CADM2: variants seen among roughly 807,000 people sequenced by gnomAD.
CADM2 encodes cell adhesion molecule 2.
Under a neutral mutation model 49.8 loss-of-function variants are expected in CADM2, and 12 were observed. That is an observed-to-expected ratio of 0.24 (90% CI 0.15 to 0.39). The LOEUF (loss-of-function observed/expected upper bound fraction) is 0.39. Among genes scored for constraint, CADM2 ranks in the 10% least tolerant of loss-of-function variants. The pLI, the probability that CADM2 is intolerant of heterozygous loss-of-function variation, is 1.00. For synonymous variants in CADM2, 214 were observed against 175.4 expected, an observed-to-expected ratio of 1.22 and a Z score of -1.74; for missense variants, 378 against 492.3, an observed-to-expected ratio of 0.77 and a Z score of 2.20.
At chr3:85,306,914 G>C (rs920854874) in intron 1 of CADM2, among the ~76,000 whole-genome samples, 1 of 151,512 alleles carries the variant, frequency 6.6e-6, no homozygotes, top group African/African-American at 2.4e-5. Context: ...GCAGATCAAA[G>C]ATAGTGCATC....
intron 1 of CADM2, among the ~76,000 whole-genome samples, chr3:85,092,820 A>G (rs1395925835): frequency 6.6e-6 from 1 of 152,138 alleles, no homozygotes; most frequent in Non-Finnish European, 1.5e-5. Flanking sequence ...AAAACTCTCC[A>G]GTGATTTCCT....
At chr3:85,009,320 G>A (rs2033879693) in intron 1 of CADM2, among the ~76,000 whole-genome samples, 1 of 152,166 alleles carries the variant, frequency 6.6e-6, no homozygotes, top group Admixed American at 6.5e-5. Context: ...GTGGAAGATA[G>A]AAATTAAAAT....
intron 1 of CADM2, among the ~76,000 whole-genome samples, chr3:85,061,784 T>G (rs1327749654): frequency 6.6e-6 from 1 of 152,160 alleles, no homozygotes; most frequent in African/African-American, 2.4e-5. Context: ...TGTTCGGTAT[T>G]GCAATGTAGT....
intron 1 of CADM2, among the ~76,000 whole-genome samples, chr3:85,488,853 G>A (rs574348691): frequency 1.3e-5 from 2 of 152,126 alleles, no homozygotes; most frequent in East Asian, 3.9e-4. Flanking sequence ...CTTTACTTCA[G>A]TAGTACCAAG....
chr3:85,888,212 A>G (rs1713935175), intron 5 of CADM2, among the ~76,000 whole-genome samples: 1 of 152,150 alleles, frequency 6.6e-6, no homozygotes, highest in Non-Finnish European at 1.5e-5. Flanking sequence ...ACACTTTCAC[A>G]TATTAAGTAC....
chr3:85,366,305 A>T (rs1211501635), intron 1 of CADM2, among the ~76,000 whole-genome samples: 3 of 152,180 alleles, frequency 2.0e-5, no homozygotes, highest in Non-Finnish European at 4.4e-5. Flanking sequence ...ACTATGCAGA[A>T]CAGATTGTAA....
intron 1 of CADM2, among the ~76,000 whole-genome samples, chr3:85,650,891 A>T (rs954179318): frequency 6.8e-6 from 1 of 147,614 alleles, no homozygotes; most frequent in African/African-American, 2.5e-5. Flanking sequence ...TTCTTTGTAA[A>T]CCCTGCTCTT....
chr3:85,962,858 T>G (rs1367963138), intron 8 of CADM2, among the ~76,000 whole-genome samples: 2 of 151,980 alleles, frequency 1.3e-5, no homozygotes, highest in Non-Finnish European at 2.9e-5. Context: ...AGTGCTGTCA[T>G]AAATCGTGGA....
intron 7 of CADM2, among the ~76,000 whole-genome samples, chr3:85,941,430 A>G (rs1305115431): frequency 6.6e-6 from 1 of 152,112 alleles, no homozygotes; most frequent in Non-Finnish European, 1.5e-5. Context: ...AAAGGAATCC[A>G]GACCGAAGTC....
At chr3:85,395,443 TAGAC>T (rs1381605126) in intron 1 of CADM2, among the ~76,000 whole-genome samples, 13 of 152,220 alleles carry the variant, frequency 8.5e-5, no homozygotes, top group African/African-American at 2.2e-4. Flanking sequence ...AATACAGACT[TAGAC>T]AGAAAAAAAT....
intron 1 of CADM2, among the ~76,000 whole-genome samples, chr3:85,681,952 A>G (rs1454709944): frequency 1.3e-5 from 2 of 152,114 alleles, no homozygotes; most frequent in Non-Finnish European, 1.5e-5. Flanking sequence ...CTCAGCATGC[A>G]TTTTGCAATG....
In CADM2 at chr3:86,004,579, G is replaced by A. The variant is rs189533578; in HGVS notation, c.970+42932G>A. Reference sequence around the variant, plus strand: ...AAGAATTAAATATTTAACATTTCCCGGGCTTTTAGTCTTTACATTAATTTT... The same window carrying A: ...AAGAATTAAATATTTAACATTTCCCAGGCTTTTAGTCTTTACATTAATTTT... On this transcript the variant is annotated intron_variant, in intron 8 of 9. Coordinates refer to ENST00000383699, the MANE Select transcript of CADM2 (RefSeq NM_001167675.2). 2.5e-3 allele frequency among the ~76,000 whole-genome samples: 384 copies of A among 152,172 alleles called. 1 individual carries two copies. The highest frequency in any genetic ancestry group is 8.9e-3 in the African/African-American group (369 of 41,516).
chr3:85,761,428 A>C (rs1340918894), intron 2 of CADM2, among the ~76,000 whole-genome samples: 1 of 130,706 alleles, frequency 7.7e-6, no homozygotes, highest in African/African-American at 3.1e-5. Flanking sequence ...GCTGGAGTGC[A>C]TTCAGTGGCA....
chr3:85,677,671 C>T (rs528865280), intron 1 of CADM2, among the ~76,000 whole-genome samples: 29 of 152,160 alleles, frequency 1.9e-4, no homozygotes, highest in Non-Finnish European at 3.1e-4. Flanking sequence ...TAATGAGGGA[C>T]AGGAACTAAT....
intron 1 of CADM2, among the ~76,000 whole-genome samples, chr3:85,055,282 A>G (rs552002613): frequency 5.9e-5 from 9 of 152,174 alleles, no homozygotes; most frequent in African/African-American, 1.9e-4. Flanking sequence ...GGGCTTAATC[A>G]CATAGATCAA....
intron 1 of CADM2, among the ~76,000 whole-genome samples, chr3:85,140,059 G>C (rs527417118): frequency 6.6e-5 from 10 of 152,244 alleles, no homozygotes; most frequent in African/African-American, 1.9e-4. Flanking sequence ...ATTGCCTAAT[G>C]ATGATATGCT....
chr3:86,025,978 T>C (rs550920889), intron 8 of CADM2, among the ~76,000 whole-genome samples: 3 of 152,234 alleles, frequency 2.0e-5, no homozygotes, highest in East Asian at 3.9e-4. Flanking sequence ...TGGCTCTCTT[T>C]GAATAATATG....
In CADM2 at chr3:85,148,677, G is replaced by A. The variant is rs1481269365; in HGVS notation, c.61+189009G>A. On this transcript the variant is annotated intron_variant, in intron 1 of 9. Transcript: ENST00000383699. ...AAAGCTTAACTAGTAATAGCCTACT[G>A]TTGATTTGAAGCCTTATTAATAACA... Among the ~76,000 whole-genome samples the A allele has an allele frequency of 2.0e-5, 3 of 152,084 alleles. No homozygotes were observed. The East Asian group carries it at 5.8e-4, about 29-fold the overall frequency.
At chr3:85,750,681 C>A (rs926458081) in intron 2 of CADM2, among the ~76,000 whole-genome samples, 1 of 151,954 alleles carries the variant, frequency 6.6e-6, no homozygotes, top group Non-Finnish European at 1.5e-5. Flanking sequence ...AGAAATATAT[C>A]AAGTGCCATG....
Sources: gnomAD v4.1 joint callset for allele counts (sites outside exome capture counted in the v4.1 genomes callset) on GRCh38, gnomAD v4.1.1 for gene constraint, MANE v1.5 for transcripts, NCBI Gene and HGNC (gene_info 2026-07-23, HGNC 2026-07-21) for gene names.